PI4KB: variants seen among roughly 807,000 people sequenced by gnomAD.
PI4KB encodes phosphatidylinositol 4-kinase beta, also known as PtdIns 4-kinase beta.
PI4KB carries 23 observed loss-of-function variants against 81.4 expected under a neutral mutation model. That is an observed-to-expected ratio of 0.28 (90% CI 0.20 to 0.40). The LOEUF is 0.40. Among genes scored for constraint, PI4KB ranks in the 10% least tolerant of loss-of-function variants. The pLI is 1.00. For missense variants in PI4KB, 651 were observed against 1,036.6 expected (o/e 0.63, Z 5.11); for synonymous variants, 381 against 406.8 (o/e 0.94, Z 0.76).
rs774239767 is a variant in PI4KB, at chr1:151,315,958, T to G, written c.524A>C (p.Tyr175Ser). The change falls in exon 2 of 12, where the codon TAT (tyrosine) becomes TCT (serine). Residue 175 changes from tyrosine (Y) to serine (S), a missense_variant. Coordinates refer to ENST00000368873, the MANE Select transcript of PI4KB (RefSeq NM_001369623.2). The part of the protein sequence containing the change: ...FCFRNEDVDF[Y>S]LPQLLNMYIH... ...GTACATGTTAAGCAACTGGGGCAGA[T>G]AGAAGTCCACGTCCTCGTTGCGAAA... The G allele has an allele frequency of 6.2e-7, 1 of 1,613,152 alleles. No homozygotes were observed. The highest frequency in any genetic ancestry group is 8.5e-7 in the Non-Finnish European group (1 of 1,179,284).
chr1:151,327,050 G>A (rs1398426162), intron 1 of PI4KB, among the ~76,000 whole-genome samples: 1 of 152,142 alleles, frequency 6.6e-6, no homozygotes, highest in African/African-American at 2.4e-5. Flanking sequence ...GGGAATCCCC[G>A]AGGCAGAGGG....
chr1:151,303,322 G>C (rs1280650201), intron 6 of PI4KB: 3 of 498,114 alleles, frequency 6.0e-6, no homozygotes, highest in Non-Finnish European at 1.1e-5. Flanking sequence ...CATCCCTTTG[G>C]AGTCTTTTTA....
At chr1:151,324,592 T>A (rs1017096406) in intron 1 of PI4KB, among the ~76,000 whole-genome samples, 4 of 152,138 alleles carry the variant, frequency 2.6e-5, no homozygotes, top group Non-Finnish European at 4.4e-5. Context: ...GGGAGGGCAG[T>A]GGTCTCATGG....
Position 151,318,744 on chromosome 1 carries a change from T to C in PI4KB, c.-28-2235A>G, listed in dbSNP as rs576526515. ...TAAATAAATAAATAAATAAATAAAA[T>C]TAAAGTCTTGATATATTTTTCTGGT... On this transcript the variant is annotated intron_variant, in intron 1 of 11. Coordinates refer to ENST00000368873, the MANE Select transcript of PI4KB (RefSeq NM_001369623.2). Among the ~76,000 whole-genome samples the C allele has an allele frequency of 3.2e-5, 4 of 126,196 alleles. No homozygotes were observed. The South Asian group carries it at 1.0e-3, about 32-fold the overall frequency. 82.8% of individuals were successfully genotyped at this position (126,196 alleles called of 152,430 possible).
intron 1 of PI4KB, among the ~76,000 whole-genome samples, chr1:151,317,459 C>T (rs1369775521): frequency 2.6e-5 from 4 of 151,864 alleles, no homozygotes; most frequent in East Asian, 1.9e-4. Flanking sequence ...CAGGACTACA[C>T]GCATGTGCCT....
chr1:151,298,935 A>C lies in PI4KB; in HGVS notation c.1888T>G (p.Leu630Val). 6.2e-7 allele frequency: 1 copy of C among 1,614,192 alleles called. No homozygotes were observed. The highest frequency in any genetic ancestry group is 8.5e-7 in the Non-Finnish European group (1 of 1,180,024). The change falls in exon 9 of 12, where the codon TTG becomes GTG. Residue 630 changes from leucine to valine, a missense_variant. Leu to Val is a conservative substitution (Grantham distance 32). This residue lies in a region of PI4KB where 246 missense variants were observed against 430.1 expected (regional missense o/e 0.57). Transcript: ENST00000368873. ...TGCTCCTGTAGGAAGTAATCGAGCA[A>C]GGAGAGCTGTGACTGTTTCTTCACC... is the stretch of plus-strand genomic sequence containing the variant. ...HQVKKQSQLS[L>V]LDYFLQEHGS...
In PI4KB at chr1:151,306,311, G is replaced by C; in HGVS notation, c.1235C>G (p.Thr412Ser). 6.2e-7 allele frequency: 1 copy of C among 1,614,176 alleles called. No individual in the cohort carries two copies. Among genetic ancestry groups the C allele is most frequent in the Non-Finnish European group, 8.5e-7 (1 of 1,180,020 alleles). The stretch of plus-strand genomic sequence containing the variant: ...CTCGGGGATCCGGGCAGGGACACTG[G>C]TGGTGTCAAAGTTTTCACATTCAAG... Reference protein sequence around the residue: ...EVLECENFDTTSVPARIPENR... With the variant: ...EVLECENFDTSSVPARIPENR... Residue 412 changes from threonine to serine, a missense_variant, in exon 5 of 12, where the codon ACC becomes AGC. This residue lies in a region of PI4KB where 246 missense variants were observed against 430.1 expected (regional missense o/e 0.57). Coordinates refer to ENST00000368873, the MANE Select transcript of PI4KB (RefSeq NM_001369623.2).
chr1:151,293,589 G>C, intron 11 of PI4KB: 1 of 333,158 alleles, frequency 3.0e-6, no homozygotes, highest in African/African-American at 2.2e-5. Flanking sequence ...TAGATGGCAA[G>C]ACTGTAGTGG....
In PI4KB at chr1:151,298,888, T is replaced by C; in HGVS notation, c.1935A>G (p.Ala645=). The change falls in exon 9 of 12, where the codon GCA becomes GCG. Residue 645 remains alanine (A), a synonymous_variant. Coordinates refer to ENST00000368873, the MANE Select transcript of PI4KB (RefSeq NM_001369623.2). ...LQEHGSYTTE[A]FLSAQRNFVQ... ...CAAAATTGCGCTGTGCACTGAGGAA[T>C]GCCTCAGTGGTGTAACTGCCGTGCT... 6.2e-7 allele frequency: 1 copy of C among 1,614,214 alleles called. No homozygotes were observed. Among genetic ancestry groups the C allele is most frequent in the Non-Finnish European group, 8.5e-7 (1 of 1,180,020 alleles).
intron 1 of PI4KB, among the ~76,000 whole-genome samples, chr1:151,324,412 C>T (rs1029753852): frequency 2.0e-5 from 3 of 152,170 alleles, no homozygotes; most frequent in Admixed American, 6.5e-5. Context: ...TCCCCTTTGA[C>T]CTCAATGGTA....
intron 3 of PI4KB, among the ~76,000 whole-genome samples, chr1:151,308,211 C>A (rs1410984962): frequency 2.0e-5 from 3 of 152,200 alleles, no homozygotes; most frequent in African/African-American, 7.2e-5. Context: ...TGTCCTTCTC[C>A]CCATCTGGAT....
chr1:151,326,114 T>G, intron 1 of PI4KB: 3 of 1,513,926 alleles, frequency 2.0e-6, no homozygotes, highest in Non-Finnish European at 2.8e-6. Flanking sequence ...AGGCACTCTA[T>G]TCTGTGATTC....
chr1:151,297,269 G>A (rs1694881391), intron 9 of PI4KB, among the ~76,000 whole-genome samples: 1 of 151,704 alleles, frequency 6.6e-6, no homozygotes, highest in African/African-American at 2.4e-5. Flanking sequence ...TTGTAGAGAC[G>A]GGATCTAACT....
intron 2 of PI4KB, among the ~76,000 whole-genome samples, chr1:151,314,403 A>G (rs914791363): frequency 6.6e-6 from 1 of 152,180 alleles, no homozygotes; most frequent in Non-Finnish European, 1.5e-5. Context: ...GACACTTGGT[A>G]GTCCACTGGG....
chr1:151,308,144 CCA>C (rs1456698026), intron 3 of PI4KB, among the ~76,000 whole-genome samples: 1 of 152,176 alleles, frequency 6.6e-6, no homozygotes, highest in Non-Finnish European at 1.5e-5. Flanking sequence ...TTAGCCAGGG[CCA>C]CAGAGAGAAG....
intron 2 of PI4KB, among the ~76,000 whole-genome samples, chr1:151,312,547 T>C (rs965594661): frequency 6.6e-6 from 1 of 152,222 alleles, no homozygotes; most frequent in African/African-American, 2.4e-5. Context: ...GAGGGAAGGA[T>C]AACATTTTAT....
In PI4KB at chr1:151,316,022, G is replaced by C; in HGVS notation, c.460C>G (p.Pro154Ala). The change falls in exon 2 of 12, where the codon CCT (proline) becomes GCT (alanine). Residue 154 changes from proline (P) to alanine (A), a missense_variant. This residue lies in a region of PI4KB where 314 missense variants were observed against 397.8 expected (regional missense o/e 0.79). Coordinates refer to ENST00000368873, the MANE Select transcript of PI4KB (RefSeq NM_001369623.2). ...AISYLYNSKE[P>A]GVQAYIGNRL... Reference sequence around the variant, plus strand: ...TTGCCAATGTAGGCTTGTACTCCAGGCTCCTTGGAGTTATACAGGTATGAA... The same window carrying C: ...TTGCCAATGTAGGCTTGTACTCCAGCCTCCTTGGAGTTATACAGGTATGAA... 6.2e-7 allele frequency: 1 copy of C among 1,614,114 alleles called. No individual in the cohort carries two copies. The highest frequency in any genetic ancestry group is 8.5e-7 in the Non-Finnish European group (1 of 1,179,976).
At position 151,291,846 on chromosome 1, in the gene PI4KB, A is replaced by G. The variant is rs1014656987; in HGVS notation, c.*1006T>C. The G allele has an allele frequency of 6.6e-6, 1 of 152,506 alleles. No homozygotes were observed. The highest frequency in any genetic ancestry group is 2.4e-5 in the African/African-American group (1 of 41,410). 9.4% of individuals were successfully genotyped at this position (152,506 alleles called of 1,614,324 possible). ...TCTTGTAGTAATAATAATACTAACA[A>G]ACAGTTGGGGAACTAGGGAGAAAAC... On this transcript the variant is annotated 3_prime_UTR_variant, in exon 12 of 12. Coordinates refer to ENST00000368873, the MANE Select transcript of PI4KB (RefSeq NM_001369623.2).
At chr1:151,307,426 GAC>G in intron 4 of PI4KB, 146 bp downstream of exon 4, 1 of 620,344 alleles carries the variant, frequency 1.6e-6, no homozygotes, top group South Asian at 1.9e-5. Context: ...ATCGCACTGA[GAC>G]AGAGTCATGG....
Sources: gnomAD v4.1 joint callset for allele counts (sites outside exome capture counted in the v4.1 genomes callset) on GRCh38, gnomAD v4.1.1 for gene constraint, gnomAD v4.1.1 regional missense constraint, MANE v1.5 for transcripts, NCBI Gene and HGNC (gene_info 2026-07-23, HGNC 2026-07-21) for gene names.